Variants in MNAT1 observed in about 807,000 individuals in gnomAD.
The protein encoded by MNAT1 is CDK-activating kinase assembly factor MAT1.
Under a neutral mutation model 42.0 loss-of-function variants are expected in MNAT1, and 43 were observed. The observed-to-expected ratio is 1.02, with a 90% CI of 0.80 to 1.32. The LOEUF (loss-of-function observed/expected upper bound fraction) is 1.32. MNAT1 is among the 40% of genes most tolerant of loss of function. The pLI is 0.00. For synonymous variants in MNAT1, 118 were observed against 120.0 expected (o/e 0.98, Z 0.11); for missense variants, 306 against 350.4 (o/e 0.87, Z 1.01).
intron 7 of MNAT1, among the ~76,000 whole-genome samples, chr14:60,911,626 T>A (rs1247138769): frequency 2.6e-5 from 4 of 152,138 alleles, no homozygotes; most frequent in Admixed American, 6.5e-5. Context: ...TGTAGTTGAG[T>A]GGTTTTGAGT....
At chr14:60,945,645 T>A (rs760128934) in intron 7 of MNAT1, among the ~76,000 whole-genome samples, 2 of 152,242 alleles carry the variant, frequency 1.3e-5, no homozygotes, top group Non-Finnish European at 2.9e-5. Flanking sequence ...AGTATTTTAG[T>A]GTTTTCGTTA....
intron 7 of MNAT1, among the ~76,000 whole-genome samples, chr14:60,962,169 CAA>C (rs2036605334): frequency 6.6e-6 from 1 of 151,964 alleles, no homozygotes; most frequent in African/African-American, 2.4e-5. Context: ...AAAATAAAAA[CAA>C]TATTTATGCC....
chr14:60,959,058 A>G (rs1448049253), intron 7 of MNAT1, among the ~76,000 whole-genome samples: 10 of 152,218 alleles, frequency 6.6e-5, no homozygotes, highest in Admixed American at 6.5e-5. Context: ...AGTTAGGACT[A>G]CAGGCACACG....
At chr14:60,956,646 T>G (rs998408486) in intron 7 of MNAT1, among the ~76,000 whole-genome samples, 4 of 152,268 alleles carry the variant, frequency 2.6e-5, no homozygotes, top group African/African-American at 9.6e-5. Context: ...TCCCTTTAGA[T>G]CTGTTAATAT....
chr14:60,861,556 TA>T (rs1340293406), intron 6 of MNAT1, among the ~76,000 whole-genome samples: 1 of 51,526 alleles, frequency 1.9e-5, no homozygotes, highest in Non-Finnish European at 4.4e-5. Context: ...AATATTGAAT[TA>T]TTTTTTTAAA....
intron 7 of MNAT1, among the ~76,000 whole-genome samples, chr14:60,932,578 T>TC (rs543964861): frequency 0.019 from 2,886 of 152,124 alleles, 52 homozygotes; most frequent in East Asian, 0.047. Context: ...AAATGTTAGA[T>TC]AGATTTTAGT....
chr14:60,802,369 T>C (rs1442695105), intron 3 of MNAT1, among the ~76,000 whole-genome samples: 1 of 152,132 alleles, frequency 6.6e-6, no homozygotes, highest in African/African-American at 2.4e-5. Flanking sequence ...TGTCAGGTGA[T>C]GGATATGTTA....
At chr14:60,958,527 T>C (rs2036525239) in intron 7 of MNAT1, among the ~76,000 whole-genome samples, 1 of 152,134 alleles carries the variant, frequency 6.6e-6, no homozygotes, top group Non-Finnish European at 1.5e-5. Flanking sequence ...TACATCTTTA[T>C]GTTTCATGTA....
intron 6 of MNAT1, among the ~76,000 whole-genome samples, chr14:60,860,354 C>CTTTTTTTTTTT (rs11409940): frequency 7.8e-6 from 1 of 128,674 alleles, no homozygotes; most frequent in Non-Finnish European, 1.6e-5. Flanking sequence ...TTTTTCTTTT[C>CTTTTTTTTTTT]TTTTTTTTTT....
rs111930303 is a variant in MNAT1 at position 60,926,299 on chromosome 14, C to T, written c.810-41930C>T. Among the ~76,000 whole-genome samples the T allele has an allele frequency of 3.1e-3, 472 of 152,294 alleles. 1 individual carries two copies. The highest frequency in any genetic ancestry group is 0.011 in the African/African-American group (449 of 41,550). On this transcript the variant is annotated intron_variant, in intron 7 of 7. Transcript: ENST00000261245. ...AGCAGTTCTCCAGTCCAGTAGACAC[C>T]AACTGGGCGTCCTCTAATTCAGTTC...
chr14:60,968,190 G>T, intron 7 of MNAT1, 39 bp from the exon 8 acceptor site: 1 of 1,458,232 alleles, frequency 6.9e-7, no homozygotes, highest in Non-Finnish European at 9.5e-7. Context: ...ATTTATATTT[G>T]CTTTGTATAT....
At chr14:60,940,477 G>A (rs554996031) in intron 7 of MNAT1, among the ~76,000 whole-genome samples, 63 of 152,292 alleles carry the variant, frequency 4.1e-4, no homozygotes, top group African/African-American at 1.5e-3. Context: ...GAGTGCAGTG[G>A]CACGATCTTG....
chr14:60,911,702 T>C (rs1157908362), intron 7 of MNAT1, among the ~76,000 whole-genome samples: 2 of 152,158 alleles, frequency 1.3e-5, no homozygotes, highest in Admixed American at 6.5e-5. Context: ...GTTATAATTT[T>C]TGTTCTTTTA....
Position 60,939,709 on chromosome 14 carries a change from T to G in MNAT1, c.810-28520T>G, listed in dbSNP as rs147454283. 5.2e-3 allele frequency among the ~76,000 whole-genome samples: 798 copies of G among 152,330 alleles called. 14 individuals are homozygous for G. Among genetic ancestry groups the G allele is most frequent in the African/African-American group, 0.018 (741 of 41,572 alleles). ...GGTGCTGAAAAGAATGTATATTCTG[T>G]TGATTTGGGTTGGAGAGTTCTGTAG... On this transcript the variant is annotated intron_variant, in intron 7 of 7. Coordinates refer to ENST00000261245, the MANE Select transcript of MNAT1 (RefSeq NM_002431.4).
intron 1 of MNAT1, among the ~76,000 whole-genome samples, chr14:60,772,863 G>C (rs994990010): frequency 3.0e-4 from 46 of 151,284 alleles, no homozygotes; most frequent in Non-Finnish European, 6.2e-4. Context: ...AGCAAATGAA[G>C]TAAGGAAGGC....
At chr14:60,832,498 C>T (rs997189482) in intron 6 of MNAT1, among the ~76,000 whole-genome samples, 4 of 151,792 alleles carry the variant, frequency 2.6e-5, no homozygotes, top group Non-Finnish European at 4.4e-5. Flanking sequence ...AGATGTGTGG[C>T]GTTATTTTTG....
chr14:60,763,939 C>T (rs919484277), intron 1 of MNAT1, among the ~76,000 whole-genome samples: 5 of 152,174 alleles, frequency 3.3e-5, no homozygotes, highest in Non-Finnish European at 5.9e-5. Context: ...TTTGCTTAAG[C>T]TTCAGAGATA....
At chr14:60,910,502 A>G (rs1346203338) in intron 7 of MNAT1, among the ~76,000 whole-genome samples, 3 of 152,210 alleles carry the variant, frequency 2.0e-5, no homozygotes, top group Non-Finnish European at 4.4e-5. Context: ...ATGTCCCATC[A>G]ATACCTAATT....
At chr14:60,858,910 T>C (rs2139430317) in intron 6 of MNAT1, among the ~76,000 whole-genome samples, 1 of 152,338 alleles carries the variant, frequency 6.6e-6, no homozygotes, top group East Asian at 1.9e-4. Context: ...TAAACATAGC[T>C]TTTACATGCA....
Sources: gnomAD v4.1 joint callset for allele counts (sites outside exome capture counted in the v4.1 genomes callset) on GRCh38, gnomAD v4.1.1 for gene constraint, MANE v1.5 for transcripts, NCBI Gene and HGNC (gene_info 2026-07-23, HGNC 2026-07-21) for gene names.